PVT1: variants seen among roughly 807,000 people sequenced by gnomAD.
PVT1 encodes the protein CXCR4/PVT1 fusion.
intron 2 of PVT1, among the ~76,000 whole-genome samples, chr8:127,855,904 A>G (rs1815155152): frequency 1.3e-5 from 2 of 152,356 alleles, no homozygotes; most frequent in South Asian, 4.1e-4. Context: ...AGAGCCCACA[A>G]GCAGCGTCCC....
At chr8:128,081,596 T>C (rs1814180201) in intron 5 of PVT1, among the ~76,000 whole-genome samples, 1 of 152,240 alleles carries the variant, frequency 6.6e-6, no homozygotes, top group Non-Finnish European at 1.5e-5. Flanking sequence ...TAAATGTTAT[T>C]GCTGAAAGAA....
chr8:128,059,364 G>A (rs1041010778), intron 4 of PVT1, among the ~76,000 whole-genome samples: 11 of 152,272 alleles, frequency 7.2e-5, no homozygotes, highest in South Asian at 4.1e-4. Context: ...TCCACCAGGG[G>A]TGGTCAAACT....
At chr8:127,985,385 C>G (rs1304787750) in intron 3 of PVT1, among the ~76,000 whole-genome samples, 1 of 151,956 alleles carries the variant, frequency 6.6e-6, no homozygotes, top group Non-Finnish European at 1.5e-5. Context: ...CCTAAGCCTC[C>G]CAAAGAGCTG....
At chr8:128,074,643 T>A (rs1814060929) in intron 5 of PVT1, among the ~76,000 whole-genome samples, 1 of 152,240 alleles carries the variant, frequency 6.6e-6, no homozygotes, top group Admixed American at 6.5e-5. Flanking sequence ...ACAGAATAGT[T>A]GGTCAGGAAA....
intron 3 of PVT1, among the ~76,000 whole-genome samples, chr8:127,927,130 C>A (rs1401983599): frequency 6.6e-6 from 1 of 152,220 alleles, no homozygotes; most frequent in Non-Finnish European, 1.5e-5. Flanking sequence ...GCCAGGCACT[C>A]AGTTGTGGTG....
intron 3 of PVT1, among the ~76,000 whole-genome samples, chr8:127,916,655 C>T (rs955356872): frequency 1.3e-5 from 2 of 152,128 alleles, no homozygotes; most frequent in African/African-American, 4.8e-5. Context: ...TCCAAATGCT[C>T]AGCTTTGTCC....
At chr8:127,864,830 GA>G (rs1267939525) in intron 2 of PVT1, among the ~76,000 whole-genome samples, 13 of 152,208 alleles carry the variant, frequency 8.5e-5, no homozygotes, top group Admixed American at 1.3e-4. Context: ...TTCCAGGCAT[GA>G]GTCACTGCGC....
chr8:128,061,908 A>G (rs1409353756), intron 4 of PVT1, among the ~76,000 whole-genome samples: 1 of 152,236 alleles, frequency 6.6e-6, no homozygotes, highest in African/African-American at 2.4e-5. Context: ...AAAATGTACA[A>G]ATGAAAAAAC....
At chr8:127,936,700 C>T (rs1816280107) in intron 3 of PVT1, among the ~76,000 whole-genome samples, 3 of 152,312 alleles carry the variant, frequency 2.0e-5, no homozygotes, top group South Asian at 2.1e-4. Flanking sequence ...TGAGCTGCTT[C>T]CTCTCCTGCT....
chr8:127,899,076 C>G (rs1297589162), intron 3 of PVT1, among the ~76,000 whole-genome samples: 1 of 152,212 alleles, frequency 6.6e-6, no homozygotes, highest in African/African-American at 2.4e-5. Flanking sequence ...CCCCAGCTCT[C>G]AGCTTTCTGC....
intron 2 of PVT1, among the ~76,000 whole-genome samples, chr8:127,809,029 CAAAAAA>C (rs1158760672): frequency 6.4e-4 from 18 of 28,284 alleles, no homozygotes; most frequent in African/African-American, 2.6e-3. Context: ...GATTCCATCT[CAAAAAA>C]AAAAAAAAAA....
intron 4 of PVT1, among the ~76,000 whole-genome samples, chr8:127,994,923 G>A (rs572589764): frequency 6.6e-6 from 1 of 152,304 alleles, no homozygotes; most frequent in Admixed American, 6.5e-5. Flanking sequence ...ACATTGAAGA[G>A]GACCATCTGC....
intron 2 of PVT1, among the ~76,000 whole-genome samples, chr8:127,859,487 C>T (rs1815196372): frequency 6.6e-6 from 1 of 152,106 alleles, no homozygotes; most frequent in African/African-American, 2.4e-5. Flanking sequence ...GACTGCTCCT[C>T]CTAAATAATT....
intron 3 of PVT1, among the ~76,000 whole-genome samples, chr8:127,980,165 A>T (rs1816867250): frequency 6.6e-6 from 1 of 152,132 alleles, no homozygotes; most frequent in Admixed American, 6.5e-5. Context: ...TATAGGTGTG[A>T]ACCACTGTGC....
chr8:127,812,532 C>A (rs974217432), intron 2 of PVT1, among the ~76,000 whole-genome samples: 3 of 148,374 alleles, frequency 2.0e-5, no homozygotes, highest in Non-Finnish European at 4.5e-5. Context: ...TGTACTCCAG[C>A]CAGAGTCACA....
intron 2 of PVT1, among the ~76,000 whole-genome samples, chr8:127,835,220 G>T (rs1327740744): frequency 1.3e-5 from 2 of 152,100 alleles, no homozygotes; most frequent in Non-Finnish European, 2.9e-5. Flanking sequence ...TGATAGACTG[G>T]ATAAAGAAAA....
chr8:128,098,358 G>A (rs187528604), intron 6 of PVT1, among the ~76,000 whole-genome samples: 1 of 152,272 alleles, frequency 6.6e-6, no homozygotes, highest in East Asian at 1.9e-4. Context: ...GTGATCAACA[G>A]GCCTGGCAGA....
intron 2 of PVT1, among the ~76,000 whole-genome samples, chr8:127,814,329 G>A (rs1340698488): frequency 6.6e-6 from 1 of 152,204 alleles, no homozygotes; most frequent in Non-Finnish European, 1.5e-5. Context: ...CCTGCCTGAC[G>A]CGTCAGCCGG....
chr8:127,840,544 G>C (rs10108795), intron 2 of PVT1, among the ~76,000 whole-genome samples: 15,400 of 152,254 alleles, frequency 0.1, 875 homozygotes, highest in Middle Eastern at 0.16. Flanking sequence ...ATCCTGTTTG[G>C]ATCTCCAAAG....
Sources: gnomAD v4.1 joint callset for allele counts (sites outside exome capture counted in the v4.1 genomes callset) on GRCh38, gnomAD v4.1.1 for gene constraint, MANE v1.5 for transcripts, NCBI Gene and HGNC (gene_info 2026-07-23, HGNC 2026-07-21) for gene names.